STK32B: variants seen among roughly 807,000 people sequenced by gnomAD.
STK32B encodes serine/threonine-protein kinase 32B.
Under a neutral mutation model 52.6 loss-of-function variants are expected in STK32B, and 43 were observed. The ratio of observed to expected loss-of-function variants is 0.82; its 90% CI spans 0.64 to 1.05. STK32B has a LOEUF of 1.05. STK32B is among the 50% of genes least tolerant of loss of function. The pLI is 0.00. For synonymous variants in STK32B, 238 were observed against 204.3 expected (o/e 1.17, Z -1.41); for missense variants, 621 against 534.6 (o/e 1.16, Z -1.59).
intron 6 of STK32B, among the ~76,000 whole-genome samples, chr4:5,439,694 A>G (rs1405406228): frequency 6.6e-6 from 1 of 152,176 alleles, no homozygotes; most frequent in African/African-American, 2.4e-5. Context: ...TATGTCCTGA[A>G]TGGTAATTCC....
intron 2 of STK32B, among the ~76,000 whole-genome samples, chr4:5,158,854 C>A (rs930389134): frequency 4.6e-5 from 7 of 152,176 alleles, no homozygotes; most frequent in Non-Finnish European, 8.8e-5. Flanking sequence ...ACCTTAATTA[C>A]CTCTTTAAAG....
chr4:5,059,212 C>G (rs1246796293), intron 1 of STK32B, among the ~76,000 whole-genome samples: 1 of 151,866 alleles, frequency 6.6e-6, no homozygotes, highest in Non-Finnish European at 1.5e-5. Context: ...CTGTCTTAAG[C>G]CACTGAGATT....
At chr4:5,463,951 GA>G (rs1347343516) in intron 9 of STK32B, among the ~76,000 whole-genome samples, 1 of 152,238 alleles carries the variant, frequency 6.6e-6, no homozygotes, top group African/African-American at 2.4e-5. Context: ...AATTTATAAA[GA>G]AGAGAGGCTT....
At chr4:5,140,015 G>A (rs1716312509) in intron 2 of STK32B, 55 bp downstream of exon 2, 7 of 1,603,852 alleles carry the variant, frequency 4.4e-6, no homozygotes, top group South Asian at 1.1e-5. Context: ...ATATTTGTGT[G>A]TCTGTGTGTT....
chr4:5,484,708 T>A (rs1223383425), intron 11 of STK32B, among the ~76,000 whole-genome samples: 3 of 152,120 alleles, frequency 2.0e-5, no homozygotes, highest in Non-Finnish European at 4.4e-5. Flanking sequence ...ATTTGGCATG[T>A]TTTTGCAGTG....
intron 2 of STK32B, among the ~76,000 whole-genome samples, chr4:5,155,461 G>A (rs914238484): frequency 2.6e-5 from 4 of 152,094 alleles, no homozygotes; most frequent in Non-Finnish European, 4.4e-5. Flanking sequence ...GCACATATAT[G>A]TACATATACC....
chr4:5,372,970 T>G (rs988906633), intron 4 of STK32B, among the ~76,000 whole-genome samples: 11 of 152,204 alleles, frequency 7.2e-5, no homozygotes, highest in African/African-American at 2.7e-4. Flanking sequence ...CAATAAAGAT[T>G]GAATATTGAA....
intron 3 of STK32B, among the ~76,000 whole-genome samples, chr4:5,275,516 G>T (rs1056356409): frequency 1.3e-5 from 2 of 152,100 alleles, no homozygotes; most frequent in Non-Finnish European, 2.9e-5. Context: ...CCTCTTTCGG[G>T]ATCGTTTCCC....
chr4:5,143,394 A>T (rs967273959), intron 2 of STK32B, among the ~76,000 whole-genome samples: 2 of 152,196 alleles, frequency 1.3e-5, no homozygotes, highest in African/African-American at 4.8e-5. Context: ...GACAGGTGCC[A>T]CTTTGGATCC....
At chr4:5,110,314 G>T (rs1714333800) in intron 1 of STK32B, among the ~76,000 whole-genome samples, 1 of 145,204 alleles carries the variant, frequency 6.9e-6, no homozygotes, top group Non-Finnish European at 1.5e-5. Flanking sequence ...AAGCACTCCT[G>T]AGCAAAATGA....
chr4:5,042,412 T>C, the STK32B span, among the ~76,000 whole-genome samples: 1 of 152,246 alleles, frequency 6.6e-6, no homozygotes, highest in Non-Finnish European at 1.5e-5. Flanking sequence ...GGGCAAGACC[T>C]GGAGCTGACT....
chr4:5,246,445 T>C (rs1725457059), intron 3 of STK32B, among the ~76,000 whole-genome samples: 1 of 152,238 alleles, frequency 6.6e-6, no homozygotes, highest in Non-Finnish European at 1.5e-5. Flanking sequence ...AGGACTTCTC[T>C]GCATTGGTTT....
At chr4:5,387,904 C>T (rs1162744835) in intron 4 of STK32B, among the ~76,000 whole-genome samples, 5 of 152,074 alleles carry the variant, frequency 3.3e-5, no homozygotes, top group African/African-American at 1.2e-4. Flanking sequence ...GCCACATGCC[C>T]GGCTAATTTT....
At chr4:5,085,347 T>G (rs1243233963) in intron 1 of STK32B, among the ~76,000 whole-genome samples, 1 of 152,226 alleles carries the variant, frequency 6.6e-6, no homozygotes, top group Non-Finnish European at 1.5e-5. Context: ...TTCCTCTTCT[T>G]GAAGCTGAAT....
Position 5,317,297 on chromosome 4 carries a change from TATATA to T in STK32B, c.261-13917_261-13913del, listed in dbSNP as rs1261377846. 4.3e-5 allele frequency among the ~76,000 whole-genome samples: 3 copies of T among 68,968 alleles called. 1 individual carries two copies. The highest frequency in any genetic ancestry group is 2.7e-4 in the African/African-American group (2 of 7,536). The allele number at this position is 68,968 out of a possible 152,430, so 45.2% of individuals were successfully genotyped here. A position where few individuals can be genotyped will look rare whatever the true frequency, so the allele number is the denominator to read the frequency against. ...TATATAACATATAACATATATATAA[TATATA>T]ATATATAACATATGTATAATATATA... On this transcript the variant is annotated intron_variant, in intron 3 of 11. Transcript: ENST00000282908.
chr4:5,243,649 C>G (rs1465715990), intron 3 of STK32B, among the ~76,000 whole-genome samples: 4 of 152,132 alleles, frequency 2.6e-5, no homozygotes, highest in East Asian at 1.9e-4. Context: ...GTATCCCTGT[C>G]TTGTGCCAGT....
intron 5 of STK32B, among the ~76,000 whole-genome samples, chr4:5,411,838 C>G (rs947460586): frequency 9.2e-5 from 14 of 152,052 alleles, no homozygotes; most frequent in African/African-American, 3.4e-4. Flanking sequence ...GTTTAACTCA[C>G]CCAGTTAAGA....
chr4:5,078,887 C>T (rs940151011), intron 1 of STK32B, among the ~76,000 whole-genome samples: 3 of 152,116 alleles, frequency 2.0e-5, no homozygotes, highest in African/African-American at 2.4e-5. Context: ...GTGCTAGCAC[C>T]GGTTTTAGTG....
At chr4:5,495,472 T>G (rs7694403) in intron 11 of STK32B, among the ~76,000 whole-genome samples, 1 of 152,164 alleles carries the variant, frequency 6.6e-6, no homozygotes, top group Non-Finnish European at 1.5e-5. Context: ...TAGTTATACA[T>G]TCGTCTGAAT....
Sources: allele counts gnomAD v4.1 joint callset (sites outside exome capture counted in the v4.1 genomes callset), GRCh38; gene constraint gnomAD v4.1.1; transcripts MANE v1.5; gene names NCBI Gene and HGNC (gene_info 2026-07-23, HGNC 2026-07-21).